The following TGIF1 variants were observed in gnomAD, a reference collection of about 807,000 sequenced individuals.
TGIF1 encodes homeobox protein TGIF1.
A neutral mutation model predicts 19.3 loss-of-function variants in TGIF1; 4 were observed. That is an observed-to-expected ratio of 0.21 (90% CI 0.10 to 0.47). TGIF1 has a LOEUF of 0.47. Among genes scored for constraint, TGIF1 ranks in the 20% least tolerant of loss-of-function variants. TGIF1 has a pLI of 0.98. For synonymous variants in TGIF1, 122 were observed against 129.3 expected (o/e 0.94, Z 0.38); for missense variants, 275 against 341.4 (o/e 0.81, Z 1.53).
chr18:3,415,765 T>A (rs11081045), intron 1 of TGIF1, among the ~76,000 whole-genome samples: 3 of 151,990 alleles, frequency 2.0e-5, no homozygotes, highest in African/African-American at 7.3e-5. Context: ...GTGGGGATGT[T>A]GACCAATTTG....
intron 2 of TGIF1, among the ~76,000 whole-genome samples, chr18:3,426,407 G>A (rs570487342): frequency 1.2e-4 from 19 of 152,084 alleles, no homozygotes; most frequent in African/African-American, 4.3e-4. Flanking sequence ...GACCTCCAGC[G>A]ATCCGCCTGC....
At chr18:3,430,076 A>C (rs2082527500) in intron 2 of TGIF1, among the ~76,000 whole-genome samples, 2 of 152,230 alleles carry the variant, frequency 1.3e-5, no homozygotes, top group South Asian at 4.1e-4. Flanking sequence ...GAATTGCTTG[A>C]AATTGGGAGG....
rs181798105 is a variant in TGIF1, at chr18:3,443,000, A to C, written c.-44-13354A>C. Among the ~76,000 whole-genome samples the C allele has an allele frequency of 1.8e-3, 270 of 152,344 alleles. 2 individuals carry two copies. The highest frequency in any genetic ancestry group is 2.3e-3 in the Non-Finnish European group (155 of 68,034). On this transcript the variant is annotated intron_variant, in intron 2 of 3. Transcript: ENST00000401449. ...ATTTGGAGGCAATTTGGCAATATCTATCAAAATTCTGAATGAAACACGTTT... is the reference window on the plus strand; with the variant it reads ...ATTTGGAGGCAATTTGGCAATATCTCTCAAAATTCTGAATGAAACACGTTT...
intron 2 of TGIF1, among the ~76,000 whole-genome samples, chr18:3,438,596 A>AACACACGCACACACACAC (rs2082643876): frequency 7.4e-6 from 1 of 136,002 alleles, no homozygotes; most frequent in South Asian, 2.4e-4. Context: ...CATACACACA[A>AACACACGCACACACACAC]ACACACACAC....
chr18:3,445,464 C>T (rs1262825693), upstream of TGIF1, among the ~76,000 whole-genome samples: 1 of 151,878 alleles, frequency 6.6e-6, no homozygotes, highest in Non-Finnish European at 1.5e-5. Context: ...GTGGCTCACG[C>T]CTGTAATCCC....
At chr18:3,422,679 T>TG (rs71366657) in intron 2 of TGIF1, among the ~76,000 whole-genome samples, 87,220 of 106,570 alleles carry the variant, frequency 0.82, 36,383 homozygotes, top group South Asian at 0.92. Context: ...TGGCCTTTTT[T>TG]TTTTTTTTTT....
At chr18:3,435,545 A>G (rs2082604383) in intron 2 of TGIF1, among the ~76,000 whole-genome samples, 1 of 152,032 alleles carries the variant, frequency 6.6e-6, no homozygotes, top group South Asian at 2.1e-4. Context: ...TCTGGAGAAA[A>G]TTGCAAACTT....
chr18:3,413,919 G>A (rs1052860951), intron 1 of TGIF1, among the ~76,000 whole-genome samples: 1 of 152,136 alleles, frequency 6.6e-6, no homozygotes, highest in African/African-American at 2.4e-5. Context: ...GCACTATGTC[G>A]TGGGTTTTAA....
In TGIF1 at chr18:3,458,068, T is replaced by C. The variant is rs1792307103; in HGVS notation, c.*128T>C. 1.2e-6 allele frequency: 1 copy of C among 800,214 alleles called. No homozygotes were observed. The highest frequency in any genetic ancestry group is 2.0e-6 in the Non-Finnish European group (1 of 494,562). 49.6% of individuals were successfully genotyped at this position (800,214 alleles called of 1,614,324 possible). ...TGGGATTGCTAAAACAGCTTCCTGT[T>C]ACTGAGATGTCTTCAATGGAATACA... On this transcript the variant is annotated 3_prime_UTR_variant, in exon 3 of 3. Coordinates refer to ENST00000343820, the MANE Select transcript of TGIF1 (RefSeq NM_003244.4).
intron 2 of TGIF1, among the ~76,000 whole-genome samples, chr18:3,426,946 G>A (rs62082333): frequency 0.025 from 3,497 of 137,440 alleles, 63 homozygotes; most frequent in Middle Eastern, 0.045. Context: ...TTTTGGAGAC[G>A]GAGTTTCACT....
chr18:3,452,731 T>C (rs891850081), intron 1 of TGIF1, among the ~76,000 whole-genome samples: 2 of 152,180 alleles, frequency 1.3e-5, no homozygotes, highest in Non-Finnish European at 2.9e-5. Context: ...GCCTTCCCCG[T>C]CGGCTCTGGA....
chr18:3,445,353 G>T (rs557965745), upstream of TGIF1, among the ~76,000 whole-genome samples: 9 of 152,160 alleles, frequency 5.9e-5, no homozygotes, highest in South Asian at 1.9e-3. Context: ...AATGGAAGGG[G>T]GCAGTTACCA....
intron 2 of TGIF1, among the ~76,000 whole-genome samples, chr18:3,437,769 A>T (rs1257235120): frequency 6.6e-6 from 1 of 152,212 alleles, no homozygotes; most frequent in East Asian, 1.9e-4. Context: ...CCCTTGGAAA[A>T]TGCATTTTGT....
At position 3,444,503 on chromosome 18, in the gene TGIF1, T is replaced by C. The variant is rs555508860; in HGVS notation, c.-44-11851T>C. On this transcript the variant is annotated intron_variant, in intron 2 of 3. Transcript: ENST00000401449. Reference sequence around the variant, plus strand: ...AGTGTCTGATGTTTCCTTCTTTGTGTTCGTAAGTTCTTATCATTTAGCTCC... The same window carrying C: ...AGTGTCTGATGTTTCCTTCTTTGTGCTCGTAAGTTCTTATCATTTAGCTCC... Among the ~76,000 whole-genome samples, 12 of 152,300 alleles carry C rather than the reference T, an allele frequency of 7.9e-5. 1 individual carries two copies. In the South Asian group the frequency reaches 2.5e-3, roughly 32 times the overall value.
intron 2 of TGIF1, among the ~76,000 whole-genome samples, chr18:3,437,315 A>G (rs988138017): frequency 6.6e-6 from 1 of 152,140 alleles, no homozygotes; most frequent in South Asian, 2.1e-4. Flanking sequence ...GAATGAGTGT[A>G]AACGTTCCAT....
Position 3,450,249 on chromosome 18 carries a change from G to T in TGIF1, c.-241G>T. The T allele has an allele frequency of 7.0e-7, 1 of 1,428,526 alleles. No individual in the cohort carries two copies. Among genetic ancestry groups the T allele is most frequent in the Non-Finnish European group, 9.1e-7 (1 of 1,095,450 alleles). 88.5% of individuals were successfully genotyped at this position (1,428,526 alleles called of 1,614,324 possible). On this transcript the variant is annotated 5_prime_UTR_variant, in exon 1 of 3. The change creates a new upstream start codon in the 5' untranslated region. Coordinates refer to ENST00000343820, the MANE Select transcript of TGIF1 (RefSeq NM_003244.4). Reference sequence around the variant, plus strand: ...GAGGGGAGGGGAGAGAGTTGGGCGAGGGAGAGCCCCCGGCCGGCTGCCAGA... The same window carrying T: ...GAGGGGAGGGGAGAGAGTTGGGCGATGGAGAGCCCCCGGCCGGCTGCCAGA...
At chr18:3,414,797 G>A (rs186152034) in intron 1 of TGIF1, among the ~76,000 whole-genome samples, 5 of 152,162 alleles carry the variant, frequency 3.3e-5, no homozygotes, top group East Asian at 1.9e-4. Context: ...TGTAGTCCAA[G>A]CTACTCTGAG....
chr18:3,448,708 C>T (rs1036362693), upstream of TGIF1: 3 of 247,706 alleles, frequency 1.2e-5, no homozygotes, highest in East Asian at 2.1e-4. Context: ...ATTCTAGGGG[C>T]GGGGGTGTCT....
chr18:3,453,775 A>C (rs1055354094), intron 1 of TGIF1: 2 of 984,194 alleles, frequency 2.0e-6, no homozygotes, highest in African/African-American at 1.8e-5. Flanking sequence ...GGCTTTCTCC[A>C]CAACATTTCC....
Sources: allele counts gnomAD v4.1 joint callset (sites outside exome capture counted in the v4.1 genomes callset), GRCh38; gene constraint gnomAD v4.1.1; transcripts MANE v1.5; gene names NCBI Gene and HGNC (gene_info 2026-07-23, HGNC 2026-07-21).